FARP1: variants seen among roughly 807,000 people sequenced by gnomAD.
FARP1 encodes the protein FERM, ARHGEF and pleckstrin domain-containing protein 1.
A neutral mutation model predicts 128.8 loss-of-function variants in FARP1; 52 were observed. The observed-to-expected ratio is 0.40, with a 90% CI of 0.32 to 0.51. The LOEUF (loss-of-function observed/expected upper bound fraction) is 0.51, where lower values mean the gene tolerates loss of function less well. Among genes scored for constraint, FARP1 ranks in the 20% least tolerant of loss-of-function variants. The pLI is 0.45. For synonymous variants in FARP1, 580 were observed against 551.8 expected (o/e 1.05, Z -0.72); for missense variants, 1,333 against 1,367.9 (o/e 0.97, Z 0.40).
intron 3 of FARP1, among the ~76,000 whole-genome samples, chr13:98,363,075 A>G (rs182639893): frequency 6.6e-6 from 1 of 152,186 alleles, no homozygotes; most frequent in Admixed American, 6.5e-5. Flanking sequence ...ACGCTGCCAG[A>G]CTCATCTTTT....
At position 98,210,553 on chromosome 13, in the gene FARP1, C is replaced by CTT. The variant is rs146886503; in HGVS notation, c.-23-2664_-23-2663dup. On this transcript the variant is annotated intron_variant, in intron 1 of 26. Transcript: ENST00000319562. Reference sequence around the variant, plus strand: ...TGGACTTTCTTTTTCGTTTTTCTATCTTTTCTTTTTTTTTGAGACAGAGTC... The same window carrying CTT: ...TGGACTTTCTTTTTCGTTTTTCTATCTTTTTTCTTTTTTTTTGAGACAGAGTC... Among the ~76,000 whole-genome samples the CTT allele has an allele frequency of 1.6e-3, 229 of 144,368 alleles. 1 individual carries two copies. Among genetic ancestry groups the CTT allele is most frequent in the Middle Eastern group, 7.1e-3 (2 of 280 alleles). The allele number at this position is 144,368 out of a possible 152,430, so 94.7% of individuals were successfully genotyped here.
intron 1 of FARP1, among the ~76,000 whole-genome samples, chr13:98,159,290 A>G (rs1876705712): frequency 6.6e-6 from 1 of 152,170 alleles, no homozygotes; most frequent in Non-Finnish European, 1.5e-5. Context: ...GGCTTAGACT[A>G]TACGGTATTA....
intron 2 of FARP1, among the ~76,000 whole-genome samples, chr13:98,245,677 G>A (rs1416107710): frequency 1.3e-5 from 2 of 152,198 alleles, no homozygotes; most frequent in African/African-American, 4.8e-5. Context: ...CTTGTTTTGT[G>A]TTACAAAGGT....
chr13:98,311,549 C>T (rs1401369219), intron 2 of FARP1, among the ~76,000 whole-genome samples: 1 of 151,360 alleles, frequency 6.6e-6, no homozygotes, highest in Non-Finnish European at 1.5e-5. Flanking sequence ...AATCAGGGTG[C>T]TGTGTGTGTG....
intron 1 of FARP1, chr13:98,175,937 A>G (rs1877980563): frequency 8.8e-6 from 5 of 565,316 alleles, no homozygotes; most frequent in African/African-American, 3.8e-5. Flanking sequence ...TGTGTATCGC[A>G]TTTTGTTTGT....
intron 13 of FARP1, chr13:98,395,882 G>A: frequency 2.5e-6 from 1 of 400,334 alleles, no homozygotes; most frequent in Non-Finnish European, 4.4e-6. Flanking sequence ...CCCAGCAGCA[G>A]CAGTTCAAGT....
intron 1 of FARP1, among the ~76,000 whole-genome samples, chr13:98,173,552 C>T (rs948727263): frequency 3.7e-4 from 57 of 152,288 alleles, no homozygotes; most frequent in African/African-American, 1.3e-3. Context: ...GGGAATGGAG[C>T]TGCCTCCATA....
chr13:98,166,268 G>A (rs149500931), intron 1 of FARP1, among the ~76,000 whole-genome samples: 3 of 152,234 alleles, frequency 2.0e-5, no homozygotes, highest in Admixed American at 6.5e-5. Flanking sequence ...CACTGAAGAT[G>A]GGTGATACCT....
In FARP1 at chr13:98,264,223, C is replaced by T. The variant is rs1016312866; in HGVS notation, c.171+50810C>T. Among the ~76,000 whole-genome samples the T allele has an allele frequency of 7.9e-5, 12 of 152,326 alleles. 1 individual carries two copies. The highest frequency in any genetic ancestry group is 2.0e-4 in the Admixed American group (3 of 15,298). On this transcript the variant is annotated intron_variant, in intron 2 of 26. Coordinates refer to ENST00000319562, the MANE Select transcript of FARP1 (RefSeq NM_005766.4). ...TCTTGGCAGTATGGCCATACCTCCTCCCTCAGGGCCCCCAATCCTCAGTTT... is the reference window on the plus strand; with the variant it reads ...TCTTGGCAGTATGGCCATACCTCCTTCCTCAGGGCCCCCAATCCTCAGTTT...
rs772815989 is a variant in FARP1 at position 98,395,327 on chromosome 13, C to T, written c.1265C>T (p.Pro422Leu). ...GAACCGAAGGTTTCCGCCGGGGAGC[C>T]GGGGTCGCACCCGAGCCCTGCGCCG... ...GKEPKVSAGEPGSHPSPAPRR... is the reference protein window; with the variant it reads ...GKEPKVSAGELGSHPSPAPRR... Residue 422 changes from proline (P) to leucine (L), a missense_variant, in exon 13 of 27, where the codon CCG (proline) becomes CTG (leucine). Coordinates refer to ENST00000319562, the MANE Select transcript of FARP1 (RefSeq NM_005766.4). 27 of 1,610,224 alleles carry T rather than the reference C, an allele frequency of 1.7e-5. 1 individual carries two copies. Among genetic ancestry groups the T allele is most frequent in the African/African-American group, 5.3e-5 (4 of 74,900 alleles).
chr13:98,335,553 T>A (rs1887704567), intron 2 of FARP1, among the ~76,000 whole-genome samples: 3 of 152,162 alleles, frequency 2.0e-5, no homozygotes, highest in South Asian at 2.1e-4. Context: ...CAGTTCAAGA[T>A]GAGATTTGGG....
At chr13:98,293,449 T>C (rs1885534092) in intron 2 of FARP1, among the ~76,000 whole-genome samples, 1 of 152,088 alleles carries the variant, frequency 6.6e-6, no homozygotes, top group Non-Finnish European at 1.5e-5. Flanking sequence ...CTTCAAACAC[T>C]GGGCCACTAA....
chr13:98,244,411 T>A, intron 2 of FARP1: 1 of 1,318,670 alleles, frequency 7.6e-7, no homozygotes, highest in Non-Finnish European at 1.0e-6. Flanking sequence ...GCTGTGTCTC[T>A]TTATTGTTAC....
chr13:98,338,251 A>C (rs540127015), intron 2 of FARP1, among the ~76,000 whole-genome samples: 9 of 152,274 alleles, frequency 5.9e-5, no homozygotes, highest in African/African-American at 2.2e-4. Context: ...ACCACCATCC[A>C]TCTCTAGAAC....
chr13:98,398,979 C>T (rs1479019880), intron 13 of FARP1: 1 of 152,154 alleles, frequency 6.6e-6, no homozygotes, highest in East Asian at 1.9e-4. Flanking sequence ...TGATTTTTAT[C>T]TAAGTATTTT....
chr13:98,363,500 A>G (rs1888958953), intron 3 of FARP1, among the ~76,000 whole-genome samples: 1 of 152,138 alleles, frequency 6.6e-6, no homozygotes. Context: ...CACCTTTGAT[A>G]TACAAAGAAA....
chr13:98,341,324 G>A (rs1005072408), intron 2 of FARP1, among the ~76,000 whole-genome samples: 1 of 152,030 alleles, frequency 6.6e-6, no homozygotes, highest in Middle Eastern at 3.2e-3. Context: ...TCAGGGAAGA[G>A]GTGAGAAGTA....
intron 1 of FARP1, among the ~76,000 whole-genome samples, chr13:98,152,101 T>A (rs1876053418): frequency 6.6e-6 from 1 of 152,150 alleles, no homozygotes; most frequent in African/African-American, 2.4e-5. Flanking sequence ...CTGAGTTGCT[T>A]CAAGTAATAA....
rs748482677 is a variant in FARP1, at chr13:98,213,293, G to A, written c.51G>A (p.Pro17=). Residue 17 remains proline (P), a synonymous_variant, in exon 2 of 27, where the codon CCG becomes CCA. Coordinates refer to ENST00000319562, the MANE Select transcript of FARP1 (RefSeq NM_005766.4). The stretch of plus-strand genomic sequence containing the variant: ...CCCCAGGATCACGACTGGGGGCCCC[G>A]GAAAATTCGGGGATCAGTACCTTGG... The part of the protein sequence containing the change: ...RPTPGSRLGA[P]ENSGISTLER... The A allele has an allele frequency of 8.7e-6, 14 of 1,613,922 alleles. No individual in the cohort carries two copies. The highest frequency in any genetic ancestry group is 8.3e-5 in the Admixed American group (5 of 59,972).
Sources: allele counts gnomAD v4.1 joint callset (sites outside exome capture counted in the v4.1 genomes callset), GRCh38; gene constraint gnomAD v4.1.1; transcripts MANE v1.5; gene names NCBI Gene and HGNC (gene_info 2026-07-23, HGNC 2026-07-21).